TM9SF4: variants seen among roughly 807,000 people sequenced by gnomAD.
The protein encoded by TM9SF4 is dinucleotide oxidase disulfide thiol exchanger 3 superfamily member 4.
TM9SF4 carries 26 observed loss-of-function variants against 90.4 expected under a neutral mutation model. That is an observed-to-expected ratio of 0.29 (90% CI 0.21 to 0.40). TM9SF4 has a LOEUF of 0.40. Among genes scored for constraint, TM9SF4 ranks in the 10% least tolerant of loss-of-function variants. The pLI is 1.00. For synonymous variants in TM9SF4, 293 were observed against 315.4 expected (o/e 0.93, Z 0.75); for missense variants, 549 against 834.8 (o/e 0.66, Z 4.22).
intron 9 of TM9SF4, 110 bp downstream of exon 9, chr20:32,146,965 TA>T: frequency 6.4e-6 from 6 of 933,146 alleles, no homozygotes; most frequent in Non-Finnish European, 7.9e-6. Context: ...CTCAAAATAC[TA>T]AAACAGTTTA....
intron 16 of TM9SF4, among the ~76,000 whole-genome samples, chr20:32,160,898 C>T (rs1002891264): frequency 9.1e-5 from 12 of 131,584 alleles, no homozygotes; most frequent in African/African-American, 2.9e-4. Context: ...TGCAGTGAGC[C>T]GAGATCGCAC....
intron 1 of TM9SF4, among the ~76,000 whole-genome samples, chr20:32,118,637 TTA>T (rs1555881215): frequency 1.4e-5 from 2 of 138,076 alleles, no homozygotes; most frequent in African/African-American, 5.8e-5. Context: ...ATTTATTTAT[TTA>T]TTTATTTTTA....
intron 1 of TM9SF4, among the ~76,000 whole-genome samples, chr20:32,113,752 G>A (rs968127482): frequency 6.6e-6 from 1 of 152,138 alleles, no homozygotes; most frequent in Non-Finnish European, 1.5e-5. Context: ...TACACTAAAT[G>A]TGATGGTTAT....
intron 1 of TM9SF4, among the ~76,000 whole-genome samples, chr20:32,120,395 G>GTTTTTTTTT (rs34639926): frequency 4.3e-5 from 5 of 116,224 alleles, no homozygotes; most frequent in African/African-American, 1.4e-4. Context: ...TAAGTGGTGC[G>GTTTTTTTTT]TTTTTTTTTT....
chr20:32,109,971 G>C, intron 1 of TM9SF4: 1 of 1,411,290 alleles, frequency 7.1e-7, no homozygotes, highest in South Asian at 1.6e-5. Context: ...TGGGGGAGGC[G>C]CCGTTTCGGA....
At chr20:32,120,395 G>GTTTTTTTT (rs34639926) in intron 1 of TM9SF4, among the ~76,000 whole-genome samples, 105 of 116,118 alleles carry the variant, frequency 9.0e-4, no homozygotes, top group African/African-American at 2.8e-3. Context: ...TAAGTGGTGC[G>GTTTTTTTT]TTTTTTTTTT....
intron 17 of TM9SF4, among the ~76,000 whole-genome samples, chr20:32,162,993 A>T (rs895663745): frequency 6.6e-6 from 1 of 152,162 alleles, no homozygotes; most frequent in Non-Finnish European, 1.5e-5. Context: ...TCAGGGCTCA[A>T]TCCCAGCACT....
chr20:32,125,816 G>T (rs1308812309), intron 1 of TM9SF4, among the ~76,000 whole-genome samples: 1 of 150,860 alleles, frequency 6.6e-6, no homozygotes, highest in East Asian at 1.9e-4. Context: ...CTACAGGCAC[G>T]TGCCATCACG....
At chr20:32,125,681 CTTTT>C (rs11470673) in intron 1 of TM9SF4, among the ~76,000 whole-genome samples, 53 of 108,908 alleles carry the variant, frequency 4.9e-4, no homozygotes, top group East Asian at 4.4e-3. Flanking sequence ...TCTCTTTTTT[CTTTT>C]TTTTTTTTTT....
rs2047110553 is a variant in TM9SF4 at position 32,167,198 on chromosome 20, A to G, written c.*1754A>G. 1 of 152,126 alleles carries G rather than the reference A, an allele frequency of 6.6e-6. No individual in the cohort carries two copies. Among genetic ancestry groups the G allele is most frequent in the African/African-American group, 2.4e-5 (1 of 41,400 alleles). 9.4% of individuals were successfully genotyped at this position (152,126 alleles called of 1,614,324 possible). On this transcript the variant is annotated 3_prime_UTR_variant, in exon 18 of 18. Transcript: ENST00000398022. ...TCATTATCATTATTATTTTTAATTA[A>G]AAAAATGCCTGTATGCCTTTTTTTG...
chr20:32,114,163 G>A (rs1023878505), intron 1 of TM9SF4, among the ~76,000 whole-genome samples: 5 of 152,204 alleles, frequency 3.3e-5, no homozygotes, highest in African/African-American at 1.2e-4. Context: ...TTCCATGGGT[G>A]TATGGAAGTG....
Position 32,158,426 on chromosome 20 carries a change from A to G in TM9SF4, c.1506-25A>G, listed in dbSNP as rs201245308. 1,994 of 1,613,988 alleles carry G rather than the reference A, an allele frequency of 1.2e-3. 1 individual carries two copies. The highest frequency in any genetic ancestry group is 1.6e-3 in the Non-Finnish European group (1,854 of 1,179,850). On this transcript the variant is annotated intron_variant, in intron 14 of 17. Coordinates refer to ENST00000398022, the MANE Select transcript of TM9SF4 (RefSeq NM_014742.4). Reference sequence around the variant, plus strand: ...CTTCCTGGTGGCCTGGTCTCTAACAATGTCAACCTCTCGTTCTGTGGCAGC... The same window carrying G: ...CTTCCTGGTGGCCTGGTCTCTAACAGTGTCAACCTCTCGTTCTGTGGCAGC...
intron 12 of TM9SF4, among the ~76,000 whole-genome samples, chr20:32,151,341 G>A (rs1404031635): frequency 6.6e-6 from 1 of 152,092 alleles, no homozygotes; most frequent in Non-Finnish European, 1.5e-5. Flanking sequence ...TGGCCTCCTG[G>A]AGGTAAGGAG....
intron 1 of TM9SF4, 161 bp downstream of exon 1, chr20:32,109,916 C>G: frequency 2.0e-6 from 3 of 1,465,348 alleles, no homozygotes; most frequent in South Asian, 2.7e-5. Context: ...AAATCCACCT[C>G]CCTGGCCCTG....
At chr20:32,147,269 C>T (rs1390591023) in intron 9 of TM9SF4, among the ~76,000 whole-genome samples, 1 of 152,052 alleles carries the variant, frequency 6.6e-6, no homozygotes, top group Non-Finnish European at 1.5e-5. Context: ...TGAGCCACCA[C>T]GCCTGGCCTA....
intron 12 of TM9SF4, among the ~76,000 whole-genome samples, chr20:32,154,450 G>A (rs1047461786): frequency 2.0e-5 from 3 of 151,028 alleles, no homozygotes; most frequent in East Asian, 2.0e-4. Context: ...GGTAGTTAAC[G>A]TGTTCTTTTT....
Position 32,158,436 on chromosome 20 carries a change from C to T in TM9SF4, c.1506-15C>T, listed in dbSNP as rs780695291. On this transcript the variant is annotated splice_polypyrimidine_tract_variant and intron_variant, in intron 14 of 17. Transcript: ENST00000398022. The stretch of plus-strand genomic sequence containing the variant: ...GCCTGGTCTCTAACAATGTCAACCT[C>T]TCGTTCTGTGGCAGCATCCTCATGG... The T allele has an allele frequency of 1.2e-6, 2 of 1,614,196 alleles. No homozygotes were observed. Among genetic ancestry groups the T allele is most frequent in the South Asian group, 2.2e-5 (2 of 91,092 alleles).
intron 1 of TM9SF4, among the ~76,000 whole-genome samples, chr20:32,132,361 G>A (rs1042804689): frequency 6.6e-6 from 1 of 151,978 alleles, no homozygotes; most frequent in Non-Finnish European, 1.5e-5. Flanking sequence ...CTGAGATCAT[G>A]CCATTGTACT....
At chr20:32,131,305 G>A (rs755366478) in intron 1 of TM9SF4, among the ~76,000 whole-genome samples, 32 of 152,192 alleles carry the variant, frequency 2.1e-4, no homozygotes, top group Non-Finnish European at 4.0e-4. Flanking sequence ...CTTTGACCAA[G>A]CTATGTGTCT....
Sources: allele counts gnomAD v4.1 joint callset (sites outside exome capture counted in the v4.1 genomes callset), GRCh38; gene constraint gnomAD v4.1.1; transcripts MANE v1.5; gene names NCBI Gene and HGNC (gene_info 2026-07-23, HGNC 2026-07-21).